The following TMCO4 variants were observed in gnomAD, a reference collection of about 807,000 sequenced individuals.
TMCO4 encodes transmembrane and coiled-coil domain-containing protein 4.
TMCO4 carries 58 observed loss-of-function variants against 64.7 expected under a neutral mutation model. That is an observed-to-expected ratio of 0.90 (90% CI 0.73 to 1.12). The LOEUF is 1.12. Among genes scored for constraint, TMCO4 ranks in the 50% most tolerant of loss-of-function variants. TMCO4 has a pLI of 0.00. For synonymous variants in TMCO4, 325 were observed against 346.1 expected (o/e 0.94, Z 0.68); for missense variants, 780 against 825.9 (o/e 0.94, Z 0.68).
At chr1:19,718,999 C>G (rs1363480959) in intron 13 of TMCO4, among the ~76,000 whole-genome samples, 2 of 152,184 alleles carry the variant, frequency 1.3e-5, no homozygotes. Flanking sequence ...GACTCGCCAC[C>G]TAGTTGTAAC....
chr1:19,794,719 C>T (rs2044217819), intron 2 of TMCO4, among the ~76,000 whole-genome samples: 1 of 152,262 alleles, frequency 6.6e-6, no homozygotes, highest in African/African-American at 2.4e-5. Context: ...GAATTATTCA[C>T]CATAGCCGAG....
At chr1:19,774,723 C>T (rs1031921149) in intron 4 of TMCO4, among the ~76,000 whole-genome samples, 5 of 152,102 alleles carry the variant, frequency 3.3e-5, no homozygotes, top group Non-Finnish European at 5.9e-5. Flanking sequence ...AGCAACTGTC[C>T]GTCAGTCCCT....
chr1:19,771,613 T>G, intron 4 of TMCO4, 131 bp from the exon 5 acceptor site: 1 of 879,968 alleles, frequency 1.1e-6, no homozygotes, highest in Non-Finnish European at 1.7e-6. Context: ...ATCCCTCAAA[T>G]ACAGAGGCAG....
At chr1:19,712,721 T>G (rs1013041982) in intron 13 of TMCO4, among the ~76,000 whole-genome samples, 1 of 152,188 alleles carries the variant, frequency 6.6e-6, no homozygotes, top group African/African-American at 2.4e-5. Flanking sequence ...TGAAAAGGTT[T>G]GAAATATTGC....
In TMCO4 at chr1:19,745,668, G is replaced by A. The variant is rs757069335; in HGVS notation, c.758-17C>T. The A allele has an allele frequency of 2.8e-5, 45 of 1,594,634 alleles. No individual in the cohort carries two copies. Among genetic ancestry groups the A allele is most frequent in the East Asian group, 6.7e-5 (3 of 44,592 alleles). On this transcript the variant is annotated splice_polypyrimidine_tract_variant and intron_variant, in intron 9 of 15. Coordinates refer to ENST00000294543, the MANE Select transcript of TMCO4 (RefSeq NM_181719.7). ...TCTTGTATCCTAAAGACCCAGATCC[G>A]AGAAAGAGAATGGAGGTGACTGGGG...
intron 15 of TMCO4, among the ~76,000 whole-genome samples, chr1:19,692,458 G>A (rs941526705): frequency 5.3e-5 from 8 of 151,838 alleles, no homozygotes; most frequent in African/African-American, 1.9e-4. Flanking sequence ...GGCCGGGTGT[G>A]GTGGCTCATG....
intron 3 of TMCO4, among the ~76,000 whole-genome samples, chr1:19,781,857 A>G (rs2043502136): frequency 6.6e-6 from 1 of 152,166 alleles, no homozygotes; most frequent in African/African-American, 2.4e-5. Context: ...TGTGTTAGCC[A>G]GGATGGTCTC....
At chr1:19,796,376 G>A (rs568352054) in intron 2 of TMCO4, among the ~76,000 whole-genome samples, 15 of 152,172 alleles carry the variant, frequency 9.9e-5, no homozygotes, top group East Asian at 5.8e-4. Flanking sequence ...CAAAGACTTC[G>A]TCTGGGCCCC....
chr1:19,715,776 C>A (rs1462618011), intron 13 of TMCO4, among the ~76,000 whole-genome samples: 1 of 152,204 alleles, frequency 6.6e-6, no homozygotes, highest in African/African-American at 2.4e-5. Context: ...CACCAGAGAG[C>A]TGCCACCAGG....
In TMCO4 at chr1:19,734,421, G is replaced by T. The variant is rs1189867758; in HGVS notation, c.1264+2951C>A. ...GCATATGTGCGCATGTGTGTGAACT[G>T]TAGGGTGCCCAGCACCAGTGCCCCC... On this transcript the variant is annotated intron_variant, in intron 13 of 15. Transcript: ENST00000294543. This position sits in a 1 kb window ranked among gnomAD's most constrained non-coding sequence, Gnocchi z 4.4. Among the ~76,000 whole-genome samples, 1 of 152,156 alleles carries T rather than the reference G, an allele frequency of 6.6e-6. No homozygotes were observed. The highest frequency in any genetic ancestry group is 2.4e-5 in the African/African-American group (1 of 41,426).
rs1441962486 is a variant in TMCO4 at position 19,694,626 on chromosome 1, C to T, written c.1383-75G>A. Reference sequence around the variant, plus strand: ...CCCAAGGACAGGACGGGCCAGGCTGCCTCCTGGGGAAGCCAGGTGGGAATG... The same window carrying T: ...CCCAAGGACAGGACGGGCCAGGCTGTCTCCTGGGGAAGCCAGGTGGGAATG... On this transcript the variant is annotated intron_variant, in intron 14 of 15. Coordinates refer to ENST00000294543, the MANE Select transcript of TMCO4 (RefSeq NM_181719.7). 12 of 1,406,350 alleles carry T rather than the reference C, an allele frequency of 8.5e-6. No homozygotes were observed. The African/African-American group carries it at 1.5e-4, about 18-fold the overall frequency. The allele number at this position is 1,406,350 out of a possible 1,614,324, so 87.1% of individuals were successfully genotyped here.
Position 19,693,164 on chromosome 1 carries a change from C to CAAAAA in TMCO4, c.1500+1265_1500+1269dup, listed in dbSNP as rs57031243. Among the ~76,000 whole-genome samples, 10 of 19,976 alleles carry CAAAAA rather than the reference C, an allele frequency of 5.0e-4. 2 individuals are homozygous for CAAAAA. The highest frequency in any genetic ancestry group is 1.2e-3 in the African/African-American group (9 of 7,516). The allele number at this position is 19,976 out of a possible 152,430, so 13.1% of individuals were successfully genotyped here. On this transcript the variant is annotated intron_variant, in intron 15 of 15. Transcript: ENST00000294543. ...CTCCAGCCTGAGCGAGACCCCATCTCAAAAAAAAAAAAAAAAAAAAAAAAA... is the reference window on the plus strand; with the variant it reads ...CTCCAGCCTGAGCGAGACCCCATCTCAAAAAAAAAAAAAAAAAAAAAAAAAAAAAA...
rs1224891382 is a variant in TMCO4 at position 19,744,298 on chromosome 1, A to C, written c.877+1234T>G. ...AGTCCTCAATGCCACCCTGGCTAGAATCCCCCAAAATATGCATGTTCAAAT... is the reference window on the plus strand; with the variant it reads ...AGTCCTCAATGCCACCCTGGCTAGACTCCCCCAAAATATGCATGTTCAAAT... On this transcript the variant is annotated intron_variant, in intron 10 of 15. Coordinates refer to ENST00000294543, the MANE Select transcript of TMCO4 (RefSeq NM_181719.7). Among the ~76,000 whole-genome samples, 6 of 152,292 alleles carry C rather than the reference A, an allele frequency of 3.9e-5. 1 individual carries two copies. The highest frequency in any genetic ancestry group is 4.2e-4 in the South Asian group (2 of 4,818).
At position 19,743,948 on chromosome 1, in the gene TMCO4, G is replaced by A. The variant is rs758067451; in HGVS notation, c.877+1584C>T. ...TGCCAGACTCAAGGTAGGTGTGAACGAGGCGCTCACTGAACGCTAGTGACC... is the reference window on the plus strand; with the variant it reads ...TGCCAGACTCAAGGTAGGTGTGAACAAGGCGCTCACTGAACGCTAGTGACC... On this transcript the variant is annotated intron_variant, in intron 10 of 15. Coordinates refer to ENST00000294543, the MANE Select transcript of TMCO4 (RefSeq NM_181719.7). This position sits in a 1 kb window ranked among gnomAD's most constrained non-coding sequence, Gnocchi z 4.1. 9.2e-5 allele frequency among the ~76,000 whole-genome samples: 14 copies of A among 152,310 alleles called. No individual in the cohort carries two copies. Among genetic ancestry groups the A allele is most frequent in the South Asian group, 6.2e-4 (3 of 4,820 alleles).
intron 13 of TMCO4, 83 bp downstream of exon 13, chr1:19,737,289 G>T: frequency 7.1e-7 from 1 of 1,398,616 alleles, no homozygotes; most frequent in Non-Finnish European, 1.0e-6. Flanking sequence ...ATTTTGCAAG[G>T]CTCATGGCCC....
At chr1:19,772,964 T>G (rs925545544) in intron 4 of TMCO4, among the ~76,000 whole-genome samples, 1 of 152,096 alleles carries the variant, frequency 6.6e-6, no homozygotes, top group African/African-American at 2.4e-5. Context: ...TGGGGCTGGG[T>G]GGATCACCTG....
chr1:19,726,913 A>T (rs909157003), intron 13 of TMCO4, among the ~76,000 whole-genome samples: 4 of 152,248 alleles, frequency 2.6e-5, no homozygotes, highest in African/African-American at 9.6e-5. Flanking sequence ...AAGGCCAGGG[A>T]TTCCCACGGG....
intron 10 of TMCO4, 31 bp downstream of exon 10, chr1:19,745,501 C>A (rs2100874756): frequency 6.2e-7 from 1 of 1,613,794 alleles, no homozygotes; most frequent in Non-Finnish European, 8.5e-7. Context: ...ACTGCCCACC[C>A]CCCTCCACTT....
rs1019034273 is a variant in TMCO4 at position 19,682,638 on chromosome 1, C to A, written c.*402G>T. On this transcript the variant is annotated 3_prime_UTR_variant, in exon 16 of 16. Transcript: ENST00000294543. ...AGGCATGCACCTGGTTTTATTGAGG[C>A]CAGGGGAGAGCTGGTGTGGGAGCCT... 1.4e-5 allele frequency: 10 copies of A among 717,462 alleles called. No individual in the cohort carries two copies. The African/African-American group carries it at 1.6e-4, about 11-fold the overall frequency. The allele number at this position is 717,462 out of a possible 1,614,324, so 44.4% of individuals were successfully genotyped here.
Sources: gnomAD v4.1 joint callset for allele counts (sites outside exome capture counted in the v4.1 genomes callset) on GRCh38, gnomAD v4.1.1 for gene constraint, Gnocchi (gnomAD v3.1) non-coding constraint, MANE v1.5 for transcripts, NCBI Gene and HGNC (gene_info 2026-07-23, HGNC 2026-07-21) for gene names.